Variants in FAM178B observed in about 807,000 individuals in gnomAD.
FAM178B encodes protein FAM178B.
FAM178B carries 82 observed loss-of-function variants against 91.7 expected under a neutral mutation model. The observed-to-expected ratio is 0.89, with a 90% CI of 0.75 to 1.07. The LOEUF is 1.07. Ranked by LOEUF, FAM178B falls within the 50% of genes least tolerant of loss-of-function variation. The pLI is 0.00. For synonymous variants in FAM178B, 368 were observed against 359.4 expected, an observed-to-expected ratio of 1.02 and a Z score of -0.27; for missense variants, 769 against 846.7, an observed-to-expected ratio of 0.91 and a Z score of 1.14.
chr2:96,882,300 G>A lies in FAM178B; in HGVS notation c.1777-3807C>T, dbSNP rs534925881. On this transcript the variant is annotated intron_variant, in intron 14 of 16. Coordinates refer to ENST00000490605, the MANE Select transcript of FAM178B (RefSeq NM_001122646.3). ...GACCCTGAGTCTCCCCATCTAAACC[G>A]CCAGCGGCTGTGGACACCCGATTCG... is the stretch of plus-strand genomic sequence containing the variant. 2.0e-3 allele frequency among the ~76,000 whole-genome samples: 298 copies of A among 152,308 alleles called. 2 individuals are homozygous for A. The highest frequency in any genetic ancestry group is 6.9e-3 in the African/African-American group (285 of 41,574).
rs187399543 is a variant in FAM178B at position 96,974,984 on chromosome 2, G to A, written c.74-2378C>T. Among the ~76,000 whole-genome samples the A allele has an allele frequency of 4.0e-5, 6 of 151,470 alleles. No homozygotes were observed. The East Asian group carries it at 5.8e-4, about 15-fold the overall frequency. ...CATAAGCCTGTAATCCCAGCTACTCGGGAGACTGAGGCAGGAGAATCGTTT... is the reference window on the plus strand; with the variant it reads ...CATAAGCCTGTAATCCCAGCTACTCAGGAGACTGAGGCAGGAGAATCGTTT... On this transcript the variant is annotated intron_variant, in intron 1 of 16. Coordinates refer to ENST00000490605, the MANE Select transcript of FAM178B (RefSeq NM_001122646.3).
At chr2:96,905,780 T>C (rs1474407365) in intron 12 of FAM178B, among the ~76,000 whole-genome samples, 2 of 115,556 alleles carry the variant, frequency 1.7e-5, no homozygotes, top group Non-Finnish European at 3.5e-5. Flanking sequence ...CTACTAAAAA[T>C]ACAAAATATA....
At position 96,986,262 on chromosome 2, in the gene FAM178B, C is replaced by G. The variant is rs887733337; in HGVS notation, c.52G>C (p.Asp18His). 4.6e-6 allele frequency: 7 copies of G among 1,534,552 alleles called. No individual in the cohort carries two copies. The highest frequency in any genetic ancestry group is 6.1e-6 in the Non-Finnish European group (7 of 1,146,782). ...TTACCTGTAAAATGGAGCCGCTGATCCTGCCTCCTGAGTTGTGGAGCGAGG... is the reference window on the plus strand; with the variant it reads ...TTACCTGTAAAATGGAGCCGCTGATGCTGCCTCCTGAGTTGTGGAGCGAGG... ...AGLAPQLRRQ[D>H]QRLHFTGQMS... Residue 18 changes from aspartate (D) to histidine (H), a missense_variant, in exon 1 of 17, where the codon GAT becomes CAT. By Grantham distance (81) the Asp-to-His change is moderately conservative (BLOSUM62 -1). Transcript: ENST00000490605.
Position 96,930,243 on chromosome 2 carries a change from A to AAT in FAM178B, c.1079-925_1079-924dup, listed in dbSNP as rs1428929530. Among the ~76,000 whole-genome samples, 516 of 137,382 alleles carry AAT rather than the reference A, an allele frequency of 3.8e-3. 7 individuals are homozygous for AAT. Among genetic ancestry groups the AAT allele is most frequent in the African/African-American group, 0.013 (493 of 37,978 alleles). 90.1% of individuals were successfully genotyped at this position (137,382 alleles called of 152,430 possible). A position where few individuals can be genotyped will look rare whatever the true frequency, so the allele number is the denominator to read the frequency against. ...AAAAAAAAAAAAAAAAAAAAAAAAA[A>AAT]ATCTGACCACGTCAGCAAACAGGGA... On this transcript the variant is annotated intron_variant, in intron 8 of 16. Coordinates refer to ENST00000490605, the MANE Select transcript of FAM178B (RefSeq NM_001122646.3).
At position 96,903,364 on chromosome 2, in the gene FAM178B, C is replaced by T. The variant is rs573790678; in HGVS notation, c.1563-657G>A. The stretch of plus-strand genomic sequence containing the variant: ...GAACTGCTTTTCAATACGCCTCTGC[C>T]TCTTCTTTCCTTTGTGGCTCCACCT... On this transcript the variant is annotated intron_variant, in intron 12 of 16. Coordinates refer to ENST00000490605, the MANE Select transcript of FAM178B (RefSeq NM_001122646.3). Among the ~76,000 whole-genome samples, 707 of 152,342 alleles carry T rather than the reference C, an allele frequency of 4.6e-3. 67 individuals carry two copies. In the South Asian group the frequency reaches 0.14, roughly 31 times the overall value.
intron 4 of FAM178B, among the ~76,000 whole-genome samples, chr2:96,968,650 C>CA (rs1157959450): frequency 6.6e-6 from 1 of 151,332 alleles, no homozygotes; most frequent in African/African-American, 2.4e-5. Flanking sequence ...CCAGACCCAC[C>CA]AGAAGCCCCA....
chr2:96,969,812 C>A (rs141386008), intron 4 of FAM178B, among the ~76,000 whole-genome samples: 10 of 152,300 alleles, frequency 6.6e-5, no homozygotes, highest in African/African-American at 2.2e-4. Flanking sequence ...GACTCCAGGG[C>A]GGGCCAGAGG....
chr2:96,967,231 T>TC (rs1198847272), intron 5 of FAM178B, among the ~76,000 whole-genome samples: 2 of 49,078 alleles, frequency 4.1e-5, no homozygotes, highest in Admixed American at 2.5e-4. Flanking sequence ...GTAGTTATTT[T>TC]CCCGAGATCT....
intron 12 of FAM178B, among the ~76,000 whole-genome samples, chr2:96,915,583 C>T (rs1328226901): frequency 1.3e-5 from 2 of 151,366 alleles, no homozygotes; most frequent in East Asian, 2.0e-4. Flanking sequence ...TTTGGGAGGG[C>T]GAGGCGGGCA....
At chr2:96,932,780 A>T (rs1475136837) in intron 8 of FAM178B, among the ~76,000 whole-genome samples, 1 of 151,948 alleles carries the variant, frequency 6.6e-6, no homozygotes, top group African/African-American at 2.4e-5. Context: ...TCTACTAAAA[A>T]TACAAAAAAA....
At chr2:96,905,368 G>A (rs996993587) in intron 12 of FAM178B, among the ~76,000 whole-genome samples, 9 of 151,700 alleles carry the variant, frequency 5.9e-5, no homozygotes, top group Admixed American at 5.9e-4. Flanking sequence ...GACCAGCTGG[G>A]CCAACATGCT....
intron 8 of FAM178B, among the ~76,000 whole-genome samples, chr2:96,932,404 T>C (rs953045545): frequency 7.9e-5 from 12 of 152,158 alleles, no homozygotes; most frequent in African/African-American, 2.9e-4. Flanking sequence ...TGGAGGCTGG[T>C]GACTTGAGGA....
intron 14 of FAM178B, among the ~76,000 whole-genome samples, chr2:96,885,470 G>A (rs1574186287): frequency 6.6e-6 from 1 of 152,252 alleles, no homozygotes; most frequent in South Asian, 2.1e-4. Flanking sequence ...GCTCCTGCTC[G>A]TGGTACTGAG....
chr2:96,917,755 T>C (rs1355309740), intron 12 of FAM178B, among the ~76,000 whole-genome samples: 1 of 151,986 alleles, frequency 6.6e-6, no homozygotes, highest in Non-Finnish European at 1.5e-5. Flanking sequence ...ACTAAGGAGG[T>C]TGAGGCAGGA....
chr2:96,973,040 T>C (rs1293238368), intron 1 of FAM178B, among the ~76,000 whole-genome samples: 1 of 150,954 alleles, frequency 6.6e-6, no homozygotes, highest in Non-Finnish European at 1.5e-5. Flanking sequence ...CCGTCTCTAG[T>C]AAAATAAAAA....
intron 4 of FAM178B, among the ~76,000 whole-genome samples, chr2:96,968,460 CCT>C (rs1288483394): frequency 2.0e-5 from 3 of 152,124 alleles, no homozygotes; most frequent in African/African-American, 7.2e-5. Flanking sequence ...CTCCCCAGCC[CCT>C]GTCTGGTCCC....
At chr2:96,894,870 A>G (rs1574206029) in intron 13 of FAM178B, among the ~76,000 whole-genome samples, 2 of 46,000 alleles carry the variant, frequency 4.3e-5, no homozygotes, top group Non-Finnish European at 4.2e-5. Flanking sequence ...CCCCACCCAC[A>G]CCCACCCAGT....
chr2:96,909,766 T>C (rs963341651), intron 12 of FAM178B, among the ~76,000 whole-genome samples: 3 of 152,206 alleles, frequency 2.0e-5, no homozygotes, highest in Non-Finnish European at 4.4e-5. Flanking sequence ...TTACAGTCTG[T>C]TGAGATCTTC....
chr2:96,907,762 C>T (rs1047192550), intron 12 of FAM178B, among the ~76,000 whole-genome samples: 9 of 152,246 alleles, frequency 5.9e-5, no homozygotes, highest in South Asian at 2.1e-4. Context: ...GCACCAACCA[C>T]GTGGGCTGCT....
Sources: gnomAD v4.1 joint callset for allele counts (sites outside exome capture counted in the v4.1 genomes callset) on GRCh38, gnomAD v4.1.1 for gene constraint, MANE v1.5 for transcripts, NCBI Gene and HGNC (gene_info 2026-07-23, HGNC 2026-07-21) for gene names.